The following RFC1 variants were observed in gnomAD, a reference collection of about 807,000 sequenced individuals.
RFC1 encodes the protein A1 140 kDa subunit.
Under a neutral mutation model 137.4 loss-of-function variants are expected in RFC1, and 37 were observed. That is an observed-to-expected ratio of 0.27 (90% CI 0.21 to 0.35). The LOEUF (loss-of-function observed/expected upper bound fraction) is 0.35. RFC1 is among the 10% of genes least tolerant of loss of function. RFC1 has a pLI of 1.00. For missense variants in RFC1, 1,205 were observed against 1,358.5 expected (o/e 0.89, Z 1.78); for synonymous variants, 429 against 455.7 (o/e 0.94, Z 0.75).
At chr4:39,339,533 T>C (rs750323186) in intron 4 of RFC1, among the ~76,000 whole-genome samples, 2 of 152,208 alleles carry the variant, frequency 1.3e-5, no homozygotes, top group Non-Finnish European at 2.9e-5. Flanking sequence ...TGGCCACTTT[T>C]ATGCATTCTC....
At chr4:39,333,248 G>A (rs1213184016) in intron 4 of RFC1, among the ~76,000 whole-genome samples, 1 of 151,960 alleles carries the variant, frequency 6.6e-6, no homozygotes, top group Admixed American at 6.6e-5. Flanking sequence ...CACAATATTG[G>A]TAAAAATGTG....
chr4:39,327,806 T>C lies in RFC1; in HGVS notation c.332-50A>G, dbSNP rs989741026. ...TTTTTATAAAACATCAATTCGGTTA[T>C]ACAAAGAAAACACTTCTACCAACTT... On this transcript the variant is annotated intron_variant, in intron 4 of 24. Transcript: ENST00000349703. The C allele has an allele frequency of 1.7e-5, 23 of 1,362,148 alleles. 1 individual carries two copies. The highest frequency in any genetic ancestry group is 2.5e-5 in the Admixed American group (1 of 40,426). The allele number at this position is 1,362,148 out of a possible 1,614,324, so 84.4% of individuals were successfully genotyped here.
intron 22 of RFC1, chr4:39,292,147 GTTTC>G (rs1737713169): frequency 2.9e-6 from 1 of 340,014 alleles, no homozygotes; most frequent in Non-Finnish European, 5.5e-6. Context: ...GCAACAGAAT[GTTTC>G]TTTGTGTTCA....
intron 6 of RFC1, among the ~76,000 whole-genome samples, chr4:39,324,739 G>A (rs1417617872): frequency 6.6e-6 from 1 of 152,190 alleles, no homozygotes; most frequent in Non-Finnish European, 1.5e-5. Context: ...GAGTCCTGGT[G>A]AGGGGACCTT....
chr4:39,360,048 T>C (rs1286898550), intron 1 of RFC1, among the ~76,000 whole-genome samples: 1 of 151,842 alleles, frequency 6.6e-6, no homozygotes, highest in East Asian at 1.9e-4. Context: ...AATAAATAAA[T>C]AAAAATGAAG....
Position 39,308,701 on chromosome 4 carries a change from C to G in RFC1, c.1820G>C (p.Cys607Ser). The stretch of plus-strand genomic sequence containing the variant: ...GAGCCAGCGTAGGAGTTTGTTGGCA[C>G]AGCTCTGGTCACCTTGCTGTCCAAT... ...TIIGQQGDQS[C>S]ANKLLRWLRN... Residue 607 changes from cysteine to serine, a missense_variant, in exon 13 of 25, where the codon TGT becomes TCT. Transcript: ENST00000349703. The G allele has an allele frequency of 6.2e-7, 1 of 1,614,184 alleles. No individual in the cohort carries two copies. The highest frequency in any genetic ancestry group is 8.5e-7 in the Non-Finnish European group (1 of 1,180,030).
At chr4:39,352,535 T>C (rs980787709) in intron 1 of RFC1, among the ~76,000 whole-genome samples, 2 of 152,226 alleles carry the variant, frequency 1.3e-5, no homozygotes, top group African/African-American at 4.8e-5. Context: ...TTAATTCAAA[T>C]CTGTGCTCTA....
chr4:39,327,360 T>C (rs1272342835), intron 5 of RFC1, among the ~76,000 whole-genome samples, 164 bp downstream of exon 5: 3 of 152,202 alleles, frequency 2.0e-5, no homozygotes, highest in Non-Finnish European at 4.4e-5. Flanking sequence ...CATTCCAACT[T>C]CCTCATCCTT....
In RFC1 at chr4:39,321,276, G is replaced by T; in HGVS notation, c.808+11C>A. The T allele has an allele frequency of 6.3e-7, 1 of 1,598,622 alleles. No homozygotes were observed. Among genetic ancestry groups the T allele is most frequent in the Non-Finnish European group, 8.5e-7 (1 of 1,170,040 alleles). ...CAAGTGCTCCATCTTACTTTTTTCT[G>T]CTAGTATTACCTTTATGAGGATATT... On this transcript the variant is annotated intron_variant, in intron 8 of 24. Transcript: ENST00000349703.
Position 39,366,223 on chromosome 4 carries a change from T to TC in RFC1, c.3+15dup. ...CCCCCAGACCCCGAGCCGCACGGCCTCCCCCAGCGGCTCACCATCGCAGCC... is the reference window on the plus strand; with the variant it reads ...CCCCCAGACCCCGAGCCGCACGGCCTCCCCCCAGCGGCTCACCATCGCAGCC... On this transcript the variant is annotated intron_variant, in intron 1 of 24. Transcript: ENST00000349703. 2 of 1,552,364 alleles carry TC rather than the reference T, an allele frequency of 1.3e-6. No homozygotes were observed. Among genetic ancestry groups the TC allele is most frequent in the Non-Finnish European group, 1.7e-6 (2 of 1,147,898 alleles).
At chr4:39,365,608 G>T (rs1044640875) in intron 1 of RFC1, 1 of 388,634 alleles carries the variant, frequency 2.6e-6, no homozygotes, top group Non-Finnish European at 3.5e-6. Context: ...CAAATGTCTT[G>T]CATCTGTTTC....
At chr4:39,340,826 G>A (rs1740574049) in intron 4 of RFC1, among the ~76,000 whole-genome samples, 1 of 152,068 alleles carries the variant, frequency 6.6e-6, no homozygotes, top group Non-Finnish European at 1.5e-5. Flanking sequence ...GAAAAAAATA[G>A]AATAATGCAT....
At chr4:39,363,561 G>T (rs1290009682) in intron 1 of RFC1, among the ~76,000 whole-genome samples, 1 of 152,074 alleles carries the variant, frequency 6.6e-6, no homozygotes. Context: ...GCAGCTCCCA[G>T]GGCAAGAGCT....
chr4:39,350,292 AAGAAG>A (rs1045930823), intron 2 of RFC1, among the ~76,000 whole-genome samples: 6 of 152,278 alleles, frequency 3.9e-5, no homozygotes, highest in African/African-American at 9.6e-5. Flanking sequence ...ATTGTAATTC[AAGAAG>A]AGAAGAGAGA....
chr4:39,336,759 T>C (rs1740373691), intron 4 of RFC1, among the ~76,000 whole-genome samples: 1 of 152,252 alleles, frequency 6.6e-6, no homozygotes, highest in Non-Finnish European at 1.5e-5. Context: ...CACTGATTTA[T>C]GGCAAGATAG....
At chr4:39,334,365 T>A (rs749795074) in intron 4 of RFC1, among the ~76,000 whole-genome samples, 6 of 152,160 alleles carry the variant, frequency 3.9e-5, no homozygotes, top group Non-Finnish European at 8.8e-5. Context: ...TGTCTTAAAG[T>A]TCCTTTGCCC....
At chr4:39,310,757 T>A (rs1478988402) in intron 12 of RFC1, among the ~76,000 whole-genome samples, 1 of 152,238 alleles carries the variant, frequency 6.6e-6, no homozygotes, top group Non-Finnish European at 1.5e-5. Flanking sequence ...AAAGTCCTAA[T>A]ACAGTTCTAA....
intron 6 of RFC1, among the ~76,000 whole-genome samples, chr4:39,325,210 CT>C (rs1331805080): frequency 6.6e-6 from 1 of 151,738 alleles, no homozygotes; most frequent in Non-Finnish European, 1.5e-5. Flanking sequence ...GACTTCTCCC[CT>C]GAGTTCCTGA....
At chr4:39,343,899 G>A (rs992335332) in intron 3 of RFC1, among the ~76,000 whole-genome samples, 1 of 152,088 alleles carries the variant, frequency 6.6e-6, no homozygotes, top group Non-Finnish European at 1.5e-5. Flanking sequence ...AATCACCTGA[G>A]GTCAGGAGTT....
Sources: gnomAD v4.1 joint callset for allele counts (sites outside exome capture counted in the v4.1 genomes callset) on GRCh38, gnomAD v4.1.1 for gene constraint, MANE v1.5 for transcripts, NCBI Gene and HGNC (gene_info 2026-07-23, HGNC 2026-07-21) for gene names.